The following DDX17 variants were observed in gnomAD, a reference collection of about 807,000 sequenced individuals.
DDX17 encodes the protein DEAD-box helicase 17.
In DDX17, 10 loss-of-function variants were observed where a neutral mutation model predicts 80.8. That is an observed-to-expected ratio of 0.12 (90% confidence interval 0.08 to 0.21). The LOEUF (loss-of-function observed/expected upper bound fraction) is 0.21, where lower values mean the gene tolerates loss of function less well. Among genes scored for constraint, DDX17 ranks in the 10% least tolerant of loss-of-function variants. The probability of loss-of-function intolerance (pLI) is 1.00; values close to 1 mark genes in which losing one functional copy is unlikely to be tolerated. For synonymous variants in DDX17, 339 were observed against 336.2 expected (o/e 1.01, Z -0.09); for missense variants, 586 against 957.4 (o/e 0.61, Z 5.12).
At chr22:38,492,518 C>T (rs1206575487) in intron 10 of DDX17, among the ~76,000 whole-genome samples, 1 of 152,110 alleles carries the variant, frequency 6.6e-6, no homozygotes. Flanking sequence ...TGGAGTTTCG[C>T]TCTTATTGCC....
At chr22:38,505,585 C>T in intron 1 of DDX17, 1 of 233,370 alleles carries the variant, frequency 4.3e-6, no homozygotes, top group Non-Finnish European at 8.2e-6. Context: ...CTGGAGACAT[C>T]GAACAGCCCG....
chr22:38,491,853 G>T, intron 11 of DDX17: 1 of 457,814 alleles, frequency 2.2e-6, no homozygotes, highest in Middle Eastern at 5.6e-4. Context: ...GAAAATAAAA[G>T]GGGGGTGGGG....
Position 38,485,752 on chromosome 22 carries a change from A to C in DDX17, c.*183T>G, listed in dbSNP as rs1163563727. 1 of 769,944 alleles carries C rather than the reference A, an allele frequency of 1.3e-6. No individual in the cohort carries two copies. Among genetic ancestry groups the C allele is most frequent in the African/African-American group, 1.8e-5 (1 of 55,686 alleles). 47.7% of individuals were successfully genotyped at this position (769,944 alleles called of 1,614,324 possible). Reference sequence around the variant, plus strand: ...CTGGATCATTTTGGTGGGCAGAAGAAACCTGGCAGTGAATTCTAACTAATC... The same window carrying C: ...CTGGATCATTTTGGTGGGCAGAAGACACCTGGCAGTGAATTCTAACTAATC... On this transcript the variant is annotated 3_prime_UTR_variant, in exon 13 of 13. Transcript: ENST00000403230.
chr22:38,491,776 T>G, intron 11 of DDX17: 2 of 300,484 alleles, frequency 6.7e-6, no homozygotes, highest in South Asian at 1.0e-4. Flanking sequence ...TCTCCCTCTG[T>G]TTGAATAGTC....
At position 38,499,739 on chromosome 22, in the gene DDX17, T is replaced by G. The variant is rs9610970; in HGVS notation, c.439-240A>C. On this transcript the variant is annotated intron_variant, in intron 2 of 12. Coordinates refer to ENST00000403230, the MANE Select transcript of DDX17 (RefSeq NM_006386.5). ...CTATAGGAGAAAAAAGATAAGTAAC[T>G]TGCTCAAGGTCAGAATGAGAAGGAA... Among the ~76,000 whole-genome samples, 444 of 152,240 alleles carry G rather than the reference T, an allele frequency of 2.9e-3. 1 individual carries two copies. Among genetic ancestry groups the G allele is most frequent in the Middle Eastern group, 0.01 (3 of 294 alleles).
chr22:38,500,231 A>C (rs1352125929), intron 2 of DDX17, among the ~76,000 whole-genome samples: 3 of 151,900 alleles, frequency 2.0e-5, no homozygotes, highest in Non-Finnish European at 2.9e-5. Flanking sequence ...AACATGACCT[A>C]ATATACAATA....
At chr22:38,502,558 A>AACACTCAACTAATT (rs2089841435) in intron 1 of DDX17, among the ~76,000 whole-genome samples, 1 of 152,160 alleles carries the variant, frequency 6.6e-6, no homozygotes, top group African/African-American at 2.4e-5. Flanking sequence ...TTAAGGCTTT[A>AACACTCAACTAATT]ACACTCAACT....
chr22:38,506,297 A>G lies in DDX17; in HGVS notation c.-60T>C, dbSNP rs542667018. On this transcript the variant is annotated 5_prime_UTR_variant, in exon 1 of 13. Transcript: ENST00000403230. The stretch of plus-strand genomic sequence containing the variant: ...TTAGGCGTCTCCTTCCTTCCCAGCG[A>G]CTGCACAAAATGGCGGCCGCCGCTG... 3 of 1,492,620 alleles carry G rather than the reference A, an allele frequency of 2.0e-6. No homozygotes were observed. Among genetic ancestry groups the G allele is most frequent in the African/African-American group, 2.9e-5 (2 of 69,414 alleles). 92.5% of individuals were successfully genotyped at this position (1,492,620 alleles called of 1,614,324 possible). A position where few individuals can be genotyped will look rare whatever the true frequency, so the allele number is the denominator to read the frequency against.
chr22:38,500,845 A>AAAAAAT (rs1335675652), intron 2 of DDX17, among the ~76,000 whole-genome samples: 1 of 139,396 alleles, frequency 7.2e-6, no homozygotes, highest in Non-Finnish European at 1.6e-5. Flanking sequence ...AAAAAAAAAA[A>AAAAAAT]ATCAGCTGGG....
chr22:38,490,036 G>T, intron 11 of DDX17: 1 of 1,039,422 alleles, frequency 9.6e-7, no homozygotes. Context: ...AGTATTTCTA[G>T]AAGGGGGTGC....
At chr22:38,490,318 C>A (rs977226987) in intron 11 of DDX17, 1 of 1,286,664 alleles carries the variant, frequency 7.8e-7, no homozygotes, top group African/African-American at 1.5e-5. Flanking sequence ...TGGCCTGAAT[C>A]GCCAATCACT....
rs1166287198 is a variant in DDX17, at chr22:38,506,007, A to C, written c.231T>G (p.Phe77Leu). ...CAAAGCCTCCTCCGCGCATGGTCCC[A>C]AAAGGATAGAGATCTGGGAGCGGGG... Residue 77 changes from phenylalanine (F) to leucine (L), a missense_variant, in exon 1 of 13, where the codon TTT (phenylalanine) becomes TTG (leucine). This residue lies in a region of DDX17 where 215 missense variants were observed against 238.4 expected (regional missense o/e 0.90). Transcript: ENST00000403230. The C allele has an allele frequency of 1.9e-6, 3 of 1,591,166 alleles. No homozygotes were observed. The highest frequency in any genetic ancestry group is 1.7e-6 in the Non-Finnish European group (2 of 1,169,750).
At chr22:38,495,260 T>TTG (rs1470856560) in intron 6 of DDX17, among the ~76,000 whole-genome samples, 1 of 150,778 alleles carries the variant, frequency 6.6e-6, no homozygotes, top group Admixed American at 6.6e-5. Flanking sequence ...TTTTTTTTTT[T>TTG]TTTGAGATGG....
chr22:38,489,308 C>G lies in DDX17; in HGVS notation c.1448-1193G>C. The G allele has an allele frequency of 1.0e-6, 1 of 985,760 alleles. No individual in the cohort carries two copies. The highest frequency in any genetic ancestry group is 1.2e-6 in the Non-Finnish European group (1 of 829,930). The allele number at this position is 985,760 out of a possible 1,614,324, so 61.1% of individuals were successfully genotyped here. ...CCTTTTATTTTTGGCGGCCTCCTTT[C>G]GAAAACTCCGCCTTCTGACACGGGA... is the stretch of plus-strand genomic sequence containing the variant. On this transcript the variant is annotated intron_variant, in intron 11 of 12. Coordinates refer to ENST00000403230, the MANE Select transcript of DDX17 (RefSeq NM_006386.5). This position sits in a 1 kb window ranked among gnomAD's most constrained non-coding sequence, Gnocchi z 4.6.
At chr22:38,494,377 A>C in intron 8 of DDX17, 1 of 594,396 alleles carries the variant, frequency 1.7e-6, no homozygotes, top group Non-Finnish European at 2.9e-6. Flanking sequence ...AAACTGCAGC[A>C]CCAAGACACA....
chr22:38,498,799 T>G (rs2089795957), intron 3 of DDX17, among the ~76,000 whole-genome samples: 1 of 152,142 alleles, frequency 6.6e-6, no homozygotes, highest in Non-Finnish European at 1.5e-5. Context: ...CTGAGGCCAG[T>G]GGAGGCCAGG....
chr22:38,501,371 G>A lies in DDX17; in HGVS notation c.288-91C>T. 5.6e-6 allele frequency: 8 copies of A among 1,424,150 alleles called. 1 individual carries two copies. The South Asian group carries it at 1.2e-4, about 21-fold the overall frequency. 88.2% of individuals were successfully genotyped at this position (1,424,150 alleles called of 1,614,324 possible). A position where few individuals can be genotyped will look rare whatever the true frequency, so the allele number is the denominator to read the frequency against. ...AATATTCAAAAAGGATGGAGTTCTA[G>A]GGATACTACCAGCCTACCTCCAAAA... On this transcript the variant is annotated intron_variant, in intron 1 of 12. Coordinates refer to ENST00000403230, the MANE Select transcript of DDX17 (RefSeq NM_006386.5).
At chr22:38,495,615 CAA>C (rs556779322) in intron 6 of DDX17, among the ~76,000 whole-genome samples, 179 bp downstream of exon 6, 21 of 152,276 alleles carry the variant, frequency 1.4e-4, no homozygotes, top group Admixed American at 9.8e-4. Flanking sequence ...CAAATCCTCA[CAA>C]AGTTTCCAGC....
intron 1 of DDX17, among the ~76,000 whole-genome samples, chr22:38,504,868 T>TCA (rs1028178700): frequency 6.0e-5 from 9 of 150,210 alleles, no homozygotes; most frequent in Non-Finnish European, 1.0e-4. Flanking sequence ...TTGACCAAGG[T>TCA]CACACACACA....
Sources: allele counts gnomAD v4.1 joint callset (sites outside exome capture counted in the v4.1 genomes callset), GRCh38; gene constraint gnomAD v4.1.1; regional missense constraint gnomAD v4.1.1; non-coding constraint Gnocchi (gnomAD v3.1); transcripts MANE v1.5; gene names NCBI Gene and HGNC (gene_info 2026-07-23, HGNC 2026-07-21).